SPAG17: variants seen among roughly 807,000 people sequenced by gnomAD.
SPAG17 encodes sperm-associated antigen 17.
SPAG17 carries 169 observed loss-of-function variants against 273.6 expected under a neutral mutation model. The ratio of observed to expected loss-of-function variants is 0.62; its 90% CI spans 0.55 to 0.70. The LOEUF (loss-of-function observed/expected upper bound fraction) is 0.70. Ranked by LOEUF, SPAG17 falls within the 30% of genes least tolerant of loss-of-function variation. The pLI is 0.00. For synonymous variants in SPAG17, 825 were observed against 873.2 expected (o/e 0.94, Z 0.97); for missense variants, 2,557 against 2,627.8 (o/e 0.97, Z 0.59).
At chr1:118,166,541 C>T (rs1397274952) in intron 1 of SPAG17, among the ~76,000 whole-genome samples, 1 of 152,144 alleles carries the variant, frequency 6.6e-6, no homozygotes, top group South Asian at 2.1e-4. Flanking sequence ...GCACAGGGTT[C>T]AGTGCTGGAA....
chr1:118,023,498 A>C (rs754847004), intron 27 of SPAG17, 35 bp from the exon 28 acceptor site: 2 of 1,593,260 alleles, frequency 1.3e-6, no homozygotes, highest in Admixed American at 1.7e-5. Context: ...GCATTCTCAG[A>C]AGCAAGAGAG....
At chr1:117,959,114 A>G (rs1652656513) in intron 48 of SPAG17, 1 of 1,287,142 alleles carries the variant, frequency 7.8e-7, no homozygotes, top group African/African-American at 1.5e-5. Context: ...CGATAAATCC[A>G]TATTTGAGAT....
rs761401705 is a variant in SPAG17, at chr1:117,984,758, A to G, written c.5694T>C (p.Asn1898=). The change falls in exon 41 of 49, where the codon AAT becomes AAC. Residue 1898 remains asparagine (N), a synonymous_variant. Coordinates refer to ENST00000336338, the MANE Select transcript of SPAG17 (RefSeq NM_206996.4). ...TGCGGTTCTTAATATCCATTAGGTA[A>G]TTCTGTGTTGTCTCAATTTCCTTCC... ...KTRKEIETTQ[N]YLMDIKNRII... 8.1e-6 allele frequency: 13 copies of G among 1,609,876 alleles called. No homozygotes were observed. Among genetic ancestry groups the G allele is most frequent in the Non-Finnish European group, 1.1e-5 (13 of 1,176,886 alleles).
intron 3 of SPAG17, among the ~76,000 whole-genome samples, chr1:118,129,274 T>C (rs1365057562): frequency 3.3e-5 from 5 of 152,344 alleles, no homozygotes; most frequent in East Asian, 1.9e-4. Flanking sequence ...AAATTGATAC[T>C]GATATGGAGA....
intron 3 of SPAG17, among the ~76,000 whole-genome samples, chr1:118,143,257 A>T (rs1658777499): frequency 6.6e-6 from 1 of 152,244 alleles, no homozygotes; most frequent in Non-Finnish European, 1.5e-5. Context: ...AAGACATATT[A>T]AACCACAACA....
chr1:118,071,396 T>C (rs190958825), intron 17 of SPAG17, among the ~76,000 whole-genome samples: 8 of 152,190 alleles, frequency 5.3e-5, no homozygotes, highest in African/African-American at 1.7e-4. Context: ...ACACCTGTAA[T>C]GCCGGCACTT....
chr1:118,073,914 C>T lies in SPAG17; in HGVS notation c.2325G>A (p.Gln775=), dbSNP rs1653847738. 6.3e-7 allele frequency: 1 copy of T among 1,575,490 alleles called. No homozygotes were observed. ...AACTCCAGTCCATTAGACTGCGCTG[C>T]TGTGTTTTCTTTATGTCCTCTAAAT... ...EADLEDIKKT[Q]QRSLMDWSFT... Residue 775 remains glutamine, a synonymous_variant, in exon 17 of 49, where the codon CAG becomes CAA. Transcript: ENST00000336338.
At position 118,028,384 on chromosome 1, in the gene SPAG17, A is replaced by G. The variant is rs140955785; in HGVS notation, c.3620T>C (p.Val1207Ala). 90 of 1,613,254 alleles carry G rather than the reference A, an allele frequency of 5.6e-5. No individual in the cohort carries two copies. In the East Asian group the frequency reaches 5.8e-4, roughly 10 times the overall value. ...CTCTTGTAAAACAGGTTCTGGTTCT[A>G]CTTCTTCTTCCTGTAAATAATTCAG... ...PKEEEKKEEE[V>A]EPEPVLQETL... Residue 1207 changes from valine to alanine, a missense_variant, in exon 26 of 49, where the codon GTA becomes GCA. Val to Ala is a moderately conservative substitution (Grantham distance 64, BLOSUM62 0). Coordinates refer to ENST00000336338, the MANE Select transcript of SPAG17 (RefSeq NM_206996.4).
intron 3 of SPAG17, among the ~76,000 whole-genome samples, chr1:118,139,928 T>C (rs1179850610): frequency 6.6e-6 from 1 of 152,094 alleles, no homozygotes; most frequent in Non-Finnish European, 1.5e-5. Context: ...TTTGCATTCA[T>C]GGATTACTGG....
At chr1:117,982,443 G>GT (rs1655941878) in intron 42 of SPAG17, among the ~76,000 whole-genome samples, 1 of 151,826 alleles carries the variant, frequency 6.6e-6, no homozygotes, top group South Asian at 2.1e-4. Flanking sequence ...GGGTTTCACC[G>GT]TGTTAGCCAG....
chr1:118,096,720 C>G (rs1215401170), intron 7 of SPAG17, among the ~76,000 whole-genome samples: 4 of 152,084 alleles, frequency 2.6e-5, no homozygotes, highest in Non-Finnish European at 5.9e-5. Context: ...TTTTCTTTGT[C>G]TGAATTAGTA....
chr1:118,048,451 CA>C (rs1449851570), intron 20 of SPAG17, among the ~76,000 whole-genome samples: 34 of 152,098 alleles, frequency 2.2e-4, no homozygotes, highest in Non-Finnish European at 3.4e-4. Context: ...TAAAATAATT[CA>C]ACTTTTTGTT....
At position 117,973,456 on chromosome 1, in the gene SPAG17, C is replaced by G. The variant is rs1400040611; in HGVS notation, c.6110G>C (p.Ser2037Thr). The change falls in exon 44 of 49, where the codon AGT becomes ACT. Residue 2037 changes from serine to threonine, a missense_variant. Physicochemically the swap from Ser to Thr is moderately conservative, Grantham distance 58. Transcript: ENST00000336338. ...EKVKLPHYLL[S>T]SKPKSQPLAK... is the part of the protein sequence containing the mutation. ...AAGAGGTTGAGACTTAGGCTTGGAA[C>G]TCAGCAAATAATGAGGCAACTTCAC... 19 of 1,613,734 alleles carry G rather than the reference C, an allele frequency of 1.2e-5. No homozygotes were observed. Among genetic ancestry groups the G allele is most frequent in the Non-Finnish European group, 1.6e-5 (19 of 1,179,804 alleles).
chr1:118,019,284 A>G (rs1054082664), intron 28 of SPAG17, among the ~76,000 whole-genome samples: 1 of 152,082 alleles, frequency 6.6e-6, no homozygotes, highest in African/African-American at 2.4e-5. Context: ...CAAAAATATG[A>G]CTAAAAAGAA....
rs1553209638 is a variant in SPAG17, at chr1:117,963,855, T to C, written c.6616A>G (p.Thr2206Ala). ...KENPMVQRTS[T>A]IYSSTLGVFM... is the part of the protein sequence containing the mutation. ...ACTCCAAGTGTGGAGGAATAAATTG[T>C]AGAAGTTCTCTGGACCATTGGATTT... The change falls in exon 48 of 49, where the codon ACA (threonine) becomes GCA (alanine). Residue 2206 changes from threonine (T) to alanine (A), a missense_variant. Coordinates refer to ENST00000336338, the MANE Select transcript of SPAG17 (RefSeq NM_206996.4). 3.7e-6 allele frequency: 6 copies of C among 1,614,018 alleles called. No homozygotes were observed. In the South Asian group the frequency reaches 4.4e-5, roughly 12 times the overall value.
intron 24 of SPAG17, among the ~76,000 whole-genome samples, chr1:118,034,412 C>G (rs1648829159): frequency 6.6e-6 from 1 of 152,230 alleles, no homozygotes; most frequent in Non-Finnish European, 1.5e-5. Context: ...TGCTTTTACA[C>G]TACTGGACTT....
intron 3 of SPAG17, among the ~76,000 whole-genome samples, chr1:118,118,827 C>A (rs1385369536): frequency 6.6e-6 from 1 of 152,196 alleles, no homozygotes; most frequent in African/African-American, 2.4e-5. Flanking sequence ...TGTTAGGGAG[C>A]TTGTAATTCT....
At chr1:118,030,991 G>A (rs917396611) in intron 25 of SPAG17, among the ~76,000 whole-genome samples, 1 of 151,962 alleles carries the variant, frequency 6.6e-6, no homozygotes. Context: ...GGTATTTCTG[G>A]TTCTAGGTCC....
chr1:117,985,740 A>C (rs1656330550), intron 40 of SPAG17, among the ~76,000 whole-genome samples: 1 of 152,196 alleles, frequency 6.6e-6, no homozygotes. Flanking sequence ...TAAGTTTTGC[A>C]AAATATTTTA....
Sources: allele counts gnomAD v4.1 joint callset (sites outside exome capture counted in the v4.1 genomes callset), GRCh38; gene constraint gnomAD v4.1.1; transcripts MANE v1.5; gene names NCBI Gene and HGNC (gene_info 2026-07-23, HGNC 2026-07-21).